The following PTPRN2 variants were observed in gnomAD, a reference collection of about 807,000 sequenced individuals.
The protein encoded by PTPRN2 is receptor-type tyrosine-protein phosphatase N2.
PTPRN2 carries 74 observed loss-of-function variants against 118.8 expected under a neutral mutation model. The observed-to-expected ratio is 0.62, with a 90% confidence interval of 0.52 to 0.76. PTPRN2 has a LOEUF of 0.76. Among genes scored for constraint, PTPRN2 ranks in the 30% least tolerant of loss-of-function variants. The pLI is 0.00. For missense variants in PTPRN2, 1,481 were observed against 1,394.4 expected (o/e 1.06, Z -0.99); for synonymous variants, 641 against 608.0 (o/e 1.05, Z -0.80).
intron 1 of PTPRN2, among the ~76,000 whole-genome samples, chr7:158,521,153 A>G (rs924469425): frequency 2.0e-5 from 3 of 152,142 alleles, no homozygotes; most frequent in Non-Finnish European, 4.4e-5. Context: ...TTTTATTTGT[A>G]TTATTTTTAT....
chr7:158,114,481 T>C (rs1816562497), intron 9 of PTPRN2, among the ~76,000 whole-genome samples: 1 of 151,998 alleles, frequency 6.6e-6, no homozygotes, highest in African/African-American at 2.4e-5. Context: ...TACACATCAG[T>C]TGGGAGGGAT....
intron 1 of PTPRN2, among the ~76,000 whole-genome samples, chr7:158,545,914 G>A (rs920257196): frequency 3.3e-4 from 50 of 152,288 alleles, no homozygotes; most frequent in Middle Eastern, 3.4e-3. Context: ...CAAGAGGATC[G>A]CTTGAACCTG....
intron 11 of PTPRN2, among the ~76,000 whole-genome samples, chr7:158,025,960 CAATT>C (rs927942339): frequency 3.3e-5 from 5 of 152,164 alleles, no homozygotes; most frequent in African/African-American, 9.7e-5. Flanking sequence ...TTGTTATTGA[CAATT>C]AATAGGGGCT....
intron 2 of PTPRN2, among the ~76,000 whole-genome samples, chr7:158,318,911 G>C (rs1440361072): frequency 6.6e-6 from 1 of 152,220 alleles, no homozygotes; most frequent in Non-Finnish European, 1.5e-5. Flanking sequence ...ACATGCAGCT[G>C]AGGATCCCCT....
intron 2 of PTPRN2, among the ~76,000 whole-genome samples, chr7:158,424,289 TA>T (rs1815503733): frequency 6.6e-6 from 1 of 152,162 alleles, no homozygotes; most frequent in Non-Finnish European, 1.5e-5. Context: ...AGAAAAGCAA[TA>T]ATGAAGCAAG....
intron 6 of PTPRN2, among the ~76,000 whole-genome samples, chr7:158,146,462 C>T (rs1820018751): frequency 6.6e-6 from 1 of 152,096 alleles, no homozygotes; most frequent in Admixed American, 6.6e-5. Context: ...TGGCTCACAC[C>T]TGTAATCCCA....
chr7:157,818,601 C>T (rs1487936440), intron 12 of PTPRN2, among the ~76,000 whole-genome samples: 1 of 152,070 alleles, frequency 6.6e-6, no homozygotes, highest in Non-Finnish European at 1.5e-5. Flanking sequence ...CCAGCTGGTG[C>T]CTCCTGTGGC....
chr7:157,923,043 A>G (rs1461421493), intron 11 of PTPRN2, among the ~76,000 whole-genome samples: 1 of 152,226 alleles, frequency 6.6e-6, no homozygotes, highest in Non-Finnish European at 1.5e-5. Context: ...TCAGGTGAAC[A>G]CATTTATTTG....
chr7:158,173,054 A>G (rs1293152258), intron 5 of PTPRN2, among the ~76,000 whole-genome samples: 1 of 150,948 alleles, frequency 6.6e-6, no homozygotes, highest in Non-Finnish European at 1.5e-5. Context: ...CACCCCAATC[A>G]TCAACAACAG....
chr7:158,541,363 C>T (rs754326990), intron 1 of PTPRN2: 19 of 1,214,126 alleles, frequency 1.6e-5, no homozygotes, highest in Admixed American at 1.2e-4. Flanking sequence ...ACAAACCTAA[C>T]TTGTTGTTTT....
chr7:158,466,897 T>C (rs1214354113), intron 2 of PTPRN2, among the ~76,000 whole-genome samples: 1 of 152,048 alleles, frequency 6.6e-6, no homozygotes, highest in Non-Finnish European at 1.5e-5. Context: ...AAAAATTAGC[T>C]AGGCATGGTG....
chr7:158,453,404 G>A lies in PTPRN2; in HGVS notation c.163+36331C>T, dbSNP rs113244564. The stretch of plus-strand genomic sequence containing the variant: ...TGAAAGAGGACAGTCCTCACCGTAC[G>A]GTGCAGGGGGCACCACAGGGTTGGC... On this transcript the variant is annotated intron_variant, in intron 2 of 22. Coordinates refer to ENST00000389418, the MANE Select transcript of PTPRN2 (RefSeq NM_002847.5). 6.6e-5 allele frequency among the ~76,000 whole-genome samples: 8 copies of A among 121,518 alleles called. No individual in the cohort carries two copies. The South Asian group carries it at 1.7e-3, about 26-fold the overall frequency. 79.7% of individuals were successfully genotyped at this position (121,518 alleles called of 152,430 possible).
intron 2 of PTPRN2, among the ~76,000 whole-genome samples, chr7:158,485,190 C>G (rs1244591191): frequency 6.6e-6 from 1 of 152,106 alleles, no homozygotes; most frequent in Non-Finnish European, 1.5e-5. Context: ...CTGAGCCATC[C>G]TCCCCCACCT....
chr7:158,246,243 G>GA (rs1436239614), intron 3 of PTPRN2, among the ~76,000 whole-genome samples: 1 of 151,828 alleles, frequency 6.6e-6, no homozygotes, highest in East Asian at 1.9e-4. Flanking sequence ...ATTATCACTT[G>GA]AAAAAACTCA....
In PTPRN2 at chr7:158,130,326, C is replaced by T. The variant is rs757666624; in HGVS notation, c.1556+3351G>A. Among the ~76,000 whole-genome samples, 39 of 152,220 alleles carry T rather than the reference C, an allele frequency of 2.6e-4. No homozygotes were observed. The Middle Eastern group carries it at 0.01, about 40-fold the overall frequency. ...CAAGGAAGAAATACCCGAACAGACGCACATCATACTGATACACATCTACCC... is the reference window on the plus strand; with the variant it reads ...CAAGGAAGAAATACCCGAACAGACGTACATCATACTGATACACATCTACCC... On this transcript the variant is annotated intron_variant, in intron 9 of 22. Transcript: ENST00000389418.
chr7:158,011,940 C>CT, intron 11 of PTPRN2, among the ~76,000 whole-genome samples: 1 of 152,246 alleles, frequency 6.6e-6, no homozygotes, highest in East Asian at 1.9e-4. Context: ...TGGTTTCTTT[C>CT]TTTTTTTGGT....
At chr7:158,447,567 G>C (rs530126138) in intron 2 of PTPRN2, among the ~76,000 whole-genome samples, 2 of 152,144 alleles carry the variant, frequency 1.3e-5, no homozygotes, top group Admixed American at 1.3e-4. Context: ...AGGCCGACCC[G>C]CCCAGCTTGC....
intron 11 of PTPRN2, among the ~76,000 whole-genome samples, chr7:157,949,204 A>T (rs4716825): frequency 3.3e-5 from 5 of 152,048 alleles, no homozygotes; most frequent in East Asian, 1.9e-4. Flanking sequence ...GGACTCACGT[A>T]GGATCCAAAG....
At chr7:158,557,328 G>A (rs1259017684) in intron 1 of PTPRN2, among the ~76,000 whole-genome samples, 7 of 136,400 alleles carry the variant, frequency 5.1e-5, no homozygotes, top group African/African-American at 2.3e-4. Context: ...CGCAGGGCAG[G>A]CGGCTCCCGC....
Sources: allele counts gnomAD v4.1 joint callset (sites outside exome capture counted in the v4.1 genomes callset), GRCh38; gene constraint gnomAD v4.1.1; transcripts MANE v1.5; gene names NCBI Gene and HGNC (gene_info 2026-07-23, HGNC 2026-07-21).